The following EDC4 variants were observed in gnomAD, a reference collection of about 807,000 sequenced individuals.
EDC4 encodes the protein enhancer of mRNA decapping 4, also known as enhancer of mRNA-decapping protein 4.
A neutral mutation model predicts 155.8 loss-of-function variants in EDC4; 64 were observed. The ratio of observed to expected loss-of-function variants is 0.41; its 90% CI spans 0.34 to 0.51. EDC4 has a LOEUF of 0.51. EDC4 is among the 20% of genes least tolerant of loss of function. The pLI is 0.19. For missense variants in EDC4, 1,303 were observed against 1,812.5 expected (o/e 0.72, Z 5.10); for synonymous variants, 684 against 716.8 (o/e 0.95, Z 0.73).
intron 1 of EDC4, among the ~76,000 whole-genome samples, chr16:67,875,518 G>GAGAGTCTA (rs1346495871): frequency 2.0e-5 from 3 of 152,178 alleles, no homozygotes; most frequent in Non-Finnish European, 4.4e-5. Flanking sequence ...GGCCCACAGG[G>GAGAGTCTA]AGAGTCTAAG....
At position 67,883,988 on chromosome 16, in the gene EDC4, A is replaced by C. The variant is rs2058082536; in HGVS notation, c.4046A>C (p.His1349Pro). The C allele has an allele frequency of 6.2e-7, 1 of 1,612,568 alleles. No homozygotes were observed. The highest frequency in any genetic ancestry group is 8.5e-7 in the Non-Finnish European group (1 of 1,179,058). The stretch of plus-strand genomic sequence containing the variant: ...GAAGAGGCCGTGATGCACCTGGACC[A>C]CAGTGACCCCATCACTCGGGACCAC... Reference protein sequence around the residue: ...YLEEAVMHLDHSDPITRDHMG... With the variant: ...YLEEAVMHLDPSDPITRDHMG... Residue 1349 changes from histidine to proline, a missense_variant, in exon 29 of 29, where the codon CAC (histidine) becomes CCC (proline). Around this residue, in one of 5 missense-constraint regions of EDC4, gnomAD observed 527 missense variants for 757.0 expected, o/e 0.70. Coordinates refer to ENST00000358933, the MANE Select transcript of EDC4 (RefSeq NM_014329.5). The surrounding 1 kb of genome is among the most constrained non-coding windows in gnomAD (Gnocchi z 5.3).
At position 67,880,296 on chromosome 16, in the gene EDC4, C is replaced by T. The variant is rs981795599; in HGVS notation, c.2097+80C>T. ...AAGGTGGGTGGTGGGCTCCTCCCAGCCCCCTGCTGCTGATCCTGCTCTACC... is the reference window on the plus strand; with the variant it reads ...AAGGTGGGTGGTGGGCTCCTCCCAGTCCCCTGCTGCTGATCCTGCTCTACC... On this transcript the variant is annotated intron_variant, in intron 17 of 28. Transcript: ENST00000358933. This position sits in a 1 kb window ranked among gnomAD's most constrained non-coding sequence, Gnocchi z 5.2. The T allele has an allele frequency of 2.0e-5, 30 of 1,507,468 alleles. No homozygotes were observed. The highest frequency in any genetic ancestry group is 2.5e-5 in the Non-Finnish European group (28 of 1,130,340). 93.4% of individuals were successfully genotyped at this position (1,507,468 alleles called of 1,614,324 possible).
chr16:67,874,995 C>T (rs143083021), intron 1 of EDC4, among the ~76,000 whole-genome samples: 102 of 152,106 alleles, frequency 6.7e-4, no homozygotes, highest in African/African-American at 2.2e-3. Context: ...CAGGAGAATC[C>T]CTTGAACCCA....
chr16:67,874,893 C>T (rs1262121081), intron 1 of EDC4, among the ~76,000 whole-genome samples: 3 of 152,042 alleles, frequency 2.0e-5, no homozygotes, highest in African/African-American at 7.3e-5. Flanking sequence ...ACCAGCCTGG[C>T]CAACATGGTT....
Position 67,878,004 on chromosome 16 carries a change from A to G in EDC4, c.894+159A>G, listed in dbSNP as rs2058049095. The G allele has an allele frequency of 6.7e-7, 1 of 1,481,976 alleles. No individual in the cohort carries two copies. The highest frequency in any genetic ancestry group is 2.1e-5 in the Admixed American group (1 of 47,912). The allele number at this position is 1,481,976 out of a possible 1,614,324, so 91.8% of individuals were successfully genotyped here. ...CACCTGTGCAGCTTTCTCCTTATCTAGCAGCACCCTGCAGGTCTGGCCTTC... is the reference window on the plus strand; with the variant it reads ...CACCTGTGCAGCTTTCTCCTTATCTGGCAGCACCCTGCAGGTCTGGCCTTC... On this transcript the variant is annotated intron_variant, in intron 7 of 28. Transcript: ENST00000358933. The surrounding 1 kb of genome is among the most constrained non-coding windows in gnomAD (Gnocchi z 5.2).
Position 67,882,116 on chromosome 16 carries a change from T to A in EDC4, c.3160+7T>A, listed in dbSNP as rs778408996. ...AAGAAGACAGTCCCTCCATGTGAGT[T>A]TTGCATGCAGACTCCCTTTGGGTGG... On this transcript the variant is annotated splice_region_variant and intron_variant, in intron 23 of 28. Coordinates refer to ENST00000358933, the MANE Select transcript of EDC4 (RefSeq NM_014329.5). The surrounding 1 kb of genome is among the most constrained non-coding windows in gnomAD (Gnocchi z 7.2). 6.2e-7 allele frequency: 1 copy of A among 1,613,742 alleles called. No individual in the cohort carries two copies.
chr16:67,875,147 A>G (rs980908983), intron 1 of EDC4, among the ~76,000 whole-genome samples: 1 of 152,132 alleles, frequency 6.6e-6, no homozygotes, highest in African/African-American at 2.4e-5. Flanking sequence ...AGCCTATGAG[A>G]GTGTTTGAAA....
Position 67,880,956 on chromosome 16 carries a change from A to G in EDC4, c.2497A>G (p.Ile833Val). 6.2e-7 allele frequency: 1 copy of G among 1,613,896 alleles called. No homozygotes were observed. The highest frequency in any genetic ancestry group is 8.5e-7 in the Non-Finnish European group (1 of 1,179,918). Residue 833 changes from isoleucine (I) to valine (V), a missense_variant, in exon 18 of 29, where the codon ATT becomes GTT. Ile to Val is a conservative substitution (Grantham distance 29). This residue lies in a region of EDC4 where 527 missense variants were observed against 757.0 expected (regional missense o/e 0.70). Coordinates refer to ENST00000358933, the MANE Select transcript of EDC4 (RefSeq NM_014329.5). The surrounding 1 kb of genome is among the most constrained non-coding windows in gnomAD (Gnocchi z 5.2). Reference protein sequence around the residue: ...DSQVWPTAPDITRETCSTLAE... With the variant: ...DSQVWPTAPDVTRETCSTLAE... ...TCAGGTTTGGCCCACAGCACCTGACATTACTCGTGAGACCTGCAGCACCCT... is the reference window on the plus strand; with the variant it reads ...TCAGGTTTGGCCCACAGCACCTGACGTTACTCGTGAGACCTGCAGCACCCT...
At position 67,877,950 on chromosome 16, in the gene EDC4, C is replaced by G. The variant is rs946841600; in HGVS notation, c.894+105C>G. 1.1e-5 allele frequency: 17 copies of G among 1,531,472 alleles called. No homozygotes were observed. The Admixed American group carries it at 1.8e-4, about 16-fold the overall frequency. The allele number at this position is 1,531,472 out of a possible 1,614,324, so 94.9% of individuals were successfully genotyped here. A position where few individuals can be genotyped will look rare whatever the true frequency, so the allele number is the denominator to read the frequency against. ...CGGGCAGCTTTACTAGCATTCTGCC[C>G]GTGGGGACTCTGAGCTCAAATTGGC... On this transcript the variant is annotated intron_variant, in intron 7 of 28. Coordinates refer to ENST00000358933, the MANE Select transcript of EDC4 (RefSeq NM_014329.5). The surrounding 1 kb of genome is among the most constrained non-coding windows in gnomAD (Gnocchi z 4.9).
At position 67,873,341 on chromosome 16, in the gene EDC4, G is replaced by T; in HGVS notation, c.80G>T (p.Gly27Val). ...RDILKLDRPAGGPSAESPRPS... is the reference protein window; with the variant it reads ...RDILKLDRPAVGPSAESPRPS... ...ATCCTCAAGCTGGACCGGCCCGCGG[G>T]CGGTGAGCGGGGGTTGCGGGGGTGG... Residue 27 changes from glycine to valine, a missense_variant and splice_region_variant, in exon 1 of 29, where the codon GGC becomes GTC. By Grantham distance (109) the Gly-to-Val change is moderately radical. Transcript: ENST00000358933. 6.9e-7 allele frequency: 1 copy of T among 1,453,226 alleles called. No homozygotes were observed. Among genetic ancestry groups the T allele is most frequent in the Non-Finnish European group, 9.0e-7 (1 of 1,107,820 alleles). 90.0% of individuals were successfully genotyped at this position (1,453,226 alleles called of 1,614,324 possible). A position where few individuals can be genotyped will look rare whatever the true frequency, so the allele number is the denominator to read the frequency against.
At chr16:67,875,569 C>A (rs1039548352) in intron 1 of EDC4, 9 of 219,342 alleles carry the variant, frequency 4.1e-5, no homozygotes, top group Non-Finnish European at 6.9e-5. Context: ...GCTTTGTTTT[C>A]ACTCCATCCT....
At chr16:67,874,076 G>A (rs1021514310) in intron 1 of EDC4, among the ~76,000 whole-genome samples, 2 of 152,178 alleles carry the variant, frequency 1.3e-5, no homozygotes, top group African/African-American at 4.8e-5. Flanking sequence ...GATGGGCGTG[G>A]GAAGGGTGGA....
rs770377535 is a variant in EDC4 at position 67,879,904 on chromosome 16, A to T, written c.1876A>T (p.Ser626Cys). The change falls in exon 16 of 29, where the codon AGC becomes TGC. Residue 626 changes from serine (S) to cysteine (C), a missense_variant. This residue lies in a region of EDC4 where 391 missense variants were observed against 445.4 expected (regional missense o/e 0.88). Transcript: ENST00000358933. This position sits in a 1 kb window ranked among gnomAD's most constrained non-coding sequence, Gnocchi z 6.0. ...CGGTAGCAGCAGCAGCAGCAGCAGTAGCAGCAGCTCCCTTACAGCTGTGTC... is the reference window on the plus strand; with the variant it reads ...CGGTAGCAGCAGCAGCAGCAGCAGTTGCAGCAGCTCCCTTACAGCTGTGTC... ...SSGSSSSSSS[S>C]SSSLTAVSAM... The T allele has an allele frequency of 1.2e-6, 2 of 1,613,624 alleles. No individual in the cohort carries two copies. Among genetic ancestry groups the T allele is most frequent in the South Asian group, 2.2e-5 (2 of 91,074 alleles).
rs373416466 is a variant in EDC4, at chr16:67,875,975, G to C, written c.113G>C (p.Ser38Thr). 1.9e-6 allele frequency: 3 copies of C among 1,614,076 alleles called. No individual in the cohort carries two copies. The highest frequency in any genetic ancestry group is 1.7e-5 in the Admixed American group (1 of 60,028). The change falls in exon 2 of 29, where the codon AGT becomes ACT. Residue 38 changes from serine to threonine, a missense_variant. Ser to Thr is a moderately conservative substitution (Grantham distance 58). Transcript: ENST00000358933. ...GPSAESPRPS[S>T]AYNGDLNGLL... Reference sequence around the variant, plus strand: ...AGTGCAGAGAGCCCACGGCCATCCAGTGCCTACAATGGGGACCTCAATGGA... The same window carrying C: ...AGTGCAGAGAGCCCACGGCCATCCACTGCCTACAATGGGGACCTCAATGGA...
Position 67,876,563 on chromosome 16 carries a change from C to T in EDC4, c.315C>T (p.Asp105=), listed in dbSNP as rs1195320179. 5 of 1,613,986 alleles carry T rather than the reference C, an allele frequency of 3.1e-6. No individual in the cohort carries two copies. The highest frequency in any genetic ancestry group is 2.7e-5 in the African/African-American group (2 of 74,930). ...AKEVEIVASS[D]SSISSKARGS... is the part of the protein sequence containing the mutation. ...AGGTGGAGATTGTGGCTAGCAGTGA[C>T]TCTAGCATTTCAAGCAAGGCCCGGG... is the stretch of plus-strand genomic sequence containing the variant. Residue 105 remains aspartate, a synonymous_variant, in exon 3 of 29, where the codon GAC becomes GAT. Coordinates refer to ENST00000358933, the MANE Select transcript of EDC4 (RefSeq NM_014329.5). This position sits in a 1 kb window ranked among gnomAD's most constrained non-coding sequence, Gnocchi z 5.8.
chr16:67,875,829 C>A, intron 1 of EDC4, 116 bp from the exon 2 acceptor site: 1 of 1,504,278 alleles, frequency 6.6e-7, no homozygotes, highest in Non-Finnish European at 8.8e-7. Flanking sequence ...CATGGACATG[C>A]TTTGCTCAGT....
In EDC4 at chr16:67,878,215, C is replaced by T. The variant is rs751000048; in HGVS notation, c.944C>T (p.Ala315Val). 2.3e-5 allele frequency: 37 copies of T among 1,614,028 alleles called. No homozygotes were observed. Among genetic ancestry groups the T allele is most frequent in the African/African-American group, 2.7e-5 (2 of 74,914 alleles). The change falls in exon 8 of 29, where the codon GCG becomes GTG. Residue 315 changes from alanine to valine, a missense_variant. Around this residue, in one of 5 missense-constraint regions of EDC4, gnomAD observed 235 missense variants for 367.7 expected, o/e 0.64. Coordinates refer to ENST00000358933, the MANE Select transcript of EDC4 (RefSeq NM_014329.5). The surrounding 1 kb of genome is among the most constrained non-coding windows in gnomAD (Gnocchi z 5.2). ...LSPDGTVLATASHDGYVKFWQ... is the reference protein window; with the variant it reads ...LSPDGTVLATVSHDGYVKFWQ... ...CCTGATGGGACTGTGCTGGCTACTGCGAGCCACGATGGCTATGTCAAGTTC... is the reference window on the plus strand; with the variant it reads ...CCTGATGGGACTGTGCTGGCTACTGTGAGCCACGATGGCTATGTCAAGTTC...
rs780356438 is a variant in EDC4 at position 67,876,062 on chromosome 16, G to A, written c.200G>A (p.Arg67Gln). The A allele has an allele frequency of 1.1e-5, 18 of 1,614,166 alleles. No individual in the cohort carries two copies. Among genetic ancestry groups the A allele is most frequent in the Admixed American group, 6.7e-5 (4 of 60,018 alleles). Residue 67 changes from arginine (R) to glutamine (Q), a missense_variant, in exon 2 of 29, where the codon CGG becomes CAG. Arg to Gln is a conservative substitution (Grantham distance 43). This residue lies in a region of EDC4 where 99 missense variants were observed against 121.3 expected (regional missense o/e 0.82). Transcript: ENST00000358933. The surrounding 1 kb of genome is among the most constrained non-coding windows in gnomAD (Gnocchi z 5.8). ...DSTSANKTGL[R>Q]TMPPINLQEK... The stretch of plus-strand genomic sequence containing the variant: ...ACCTCAGCAAACAAGACTGGTCTTC[G>A]GACCATGCCACCCATTAACCTGCAA...
Position 67,883,206 on chromosome 16 carries a change from G to A in EDC4, c.3849+29G>A. ...CGATAGGCATTAGGCCCTGCTAAGG[G>A]TCACGTGTCTCTTGACAAGGCCCAC... On this transcript the variant is annotated intron_variant, in intron 27 of 28. Coordinates refer to ENST00000358933, the MANE Select transcript of EDC4 (RefSeq NM_014329.5). This position sits in a 1 kb window ranked among gnomAD's most constrained non-coding sequence, Gnocchi z 5.3. The A allele has an allele frequency of 6.5e-7, 1 of 1,532,130 alleles. No homozygotes were observed. The highest frequency in any genetic ancestry group is 8.8e-7 in the Non-Finnish European group (1 of 1,138,354). 94.9% of individuals were successfully genotyped at this position (1,532,130 alleles called of 1,614,324 possible). A position where few individuals can be genotyped will look rare whatever the true frequency, so the allele number is the denominator to read the frequency against.
Sources: gnomAD v4.1 joint callset for allele counts (sites outside exome capture counted in the v4.1 genomes callset) on GRCh38, gnomAD v4.1.1 for gene constraint, gnomAD v4.1.1 regional missense constraint, Gnocchi (gnomAD v3.1) non-coding constraint, MANE v1.5 for transcripts, NCBI Gene and HGNC (gene_info 2026-07-23, HGNC 2026-07-21) for gene names.